Variants in KIF26B observed in about 807,000 individuals in gnomAD.
KIF26B encodes kinesin family member 26B, also known as kinesin-like protein KIF26B.
Under a neutral mutation model 151.2 loss-of-function variants are expected in KIF26B, and 63 were observed. The ratio of observed to expected loss-of-function variants is 0.42; its 90% CI spans 0.34 to 0.51. The LOEUF (loss-of-function observed/expected upper bound fraction) is 0.51. Ranked by LOEUF, KIF26B falls within the 20% of genes least tolerant of loss-of-function variation. KIF26B has a pLI of 0.07. For synonymous variants in KIF26B, 1,357 were observed against 1,262.1 expected (o/e 1.08, Z -1.59); for missense variants, 2,813 against 2,913.6 (o/e 0.97, Z 0.79).
intron 5 of KIF26B, among the ~76,000 whole-genome samples, chr1:245,562,192 G>A (rs1054081115): frequency 6.6e-6 from 1 of 152,098 alleles, no homozygotes; most frequent in Non-Finnish European, 1.5e-5. Flanking sequence ...AGGCAGAGAG[G>A]GACCTGGGGA....
rs916018447 is a variant in KIF26B at position 245,553,739 on chromosome 1, C to T, written c.1350+12789C>T. ...TAAGAACTGAGAGCCAAAGCCAAGG[C>T]GGGGACAGCACCCTGGGAGCTGATG... On this transcript the variant is annotated intron_variant, in intron 5 of 14. Coordinates refer to ENST00000407071, the MANE Select transcript of KIF26B (RefSeq NM_018012.4). Among the ~76,000 whole-genome samples the T allele has an allele frequency of 1.1e-4, 17 of 152,114 alleles. 1 individual carries two copies. Among genetic ancestry groups the T allele is most frequent in the South Asian group, 6.2e-4 (3 of 4,828 alleles).
At chr1:245,565,952 G>A (rs2043005220) in intron 5 of KIF26B, among the ~76,000 whole-genome samples, 1 of 152,204 alleles carries the variant, frequency 6.6e-6, no homozygotes, top group African/African-American at 2.4e-5. Context: ...ATGTCACATG[G>A]CAAGAGTGGG....
At chr1:245,411,618 G>A (rs67319351) in intron 3 of KIF26B, among the ~76,000 whole-genome samples, 17,705 of 152,170 alleles carry the variant, frequency 0.12, 1,153 homozygotes, top group African/African-American at 0.15. Flanking sequence ...GTAGCTGCTT[G>A]TCCTTGACCT....
chr1:245,593,941 CAT>C (rs1399815448), intron 5 of KIF26B, among the ~76,000 whole-genome samples: 3 of 152,248 alleles, frequency 2.0e-5, no homozygotes, highest in South Asian at 2.1e-4. Flanking sequence ...AGCTTTTTTT[CAT>C]ATGTTTGTTG....
intron 5 of KIF26B, among the ~76,000 whole-genome samples, chr1:245,548,284 TA>T (rs56942606): frequency 0.16 from 23,226 of 149,634 alleles, 2,024 homozygotes; most frequent in East Asian, 0.27. Flanking sequence ...TGGTTGAACT[TA>T]AAAAAAAAAA....
intron 10 of KIF26B, among the ~76,000 whole-genome samples, chr1:245,655,150 C>T (rs2044059878): frequency 6.6e-6 from 1 of 152,148 alleles, no homozygotes; most frequent in African/African-American, 2.4e-5. Flanking sequence ...GATTCTAGCA[C>T]CCCTGCCACG....
intron 5 of KIF26B, among the ~76,000 whole-genome samples, chr1:245,574,112 T>C (rs1241120164): frequency 6.6e-6 from 1 of 152,198 alleles, no homozygotes; most frequent in Non-Finnish European, 1.5e-5. Flanking sequence ...GTTTGGCTGG[T>C]GGTTTCAGAT....
At chr1:245,533,823 C>T (rs1378872194) in intron 4 of KIF26B, among the ~76,000 whole-genome samples, 1 of 152,012 alleles carries the variant, frequency 6.6e-6, no homozygotes, top group Non-Finnish European at 1.5e-5. Context: ...CAAGTTCCCC[C>T]TCTAATCTAC....
intron 4 of KIF26B, among the ~76,000 whole-genome samples, chr1:245,445,052 A>G (rs908038209): frequency 6.6e-6 from 1 of 152,244 alleles, no homozygotes; most frequent in Non-Finnish European, 1.5e-5. Flanking sequence ...TGTGTAATGT[A>G]TCGCAGAATC....
chr1:245,293,737 C>A (rs540009331), intron 2 of KIF26B, among the ~76,000 whole-genome samples: 2 of 152,056 alleles, frequency 1.3e-5, no homozygotes, highest in African/African-American at 4.8e-5. Flanking sequence ...TGCCACCATG[C>A]CCGGCTAATT....
chr1:245,285,998 T>TAAAA (rs34582895), intron 2 of KIF26B, among the ~76,000 whole-genome samples: 1 of 110,828 alleles, frequency 9.0e-6, no homozygotes, highest in Admixed American at 1.0e-4. Context: ...ACCCTCTCTC[T>TAAAA]AAAAAAAAAA....
intron 4 of KIF26B, among the ~76,000 whole-genome samples, chr1:245,521,927 T>C (rs190329439): frequency 2.0e-5 from 3 of 150,670 alleles, no homozygotes; most frequent in Non-Finnish European, 4.4e-5. Context: ...TGGAGTGCAG[T>C]GGTGCGATCT....
intron 2 of KIF26B, chr1:245,283,079 C>G (rs1671091967): frequency 5.8e-6 from 1 of 172,370 alleles, no homozygotes; most frequent in Non-Finnish European, 1.3e-5. Flanking sequence ...CTGCTACCAC[C>G]TACTAGCCAT....
chr1:245,657,678 G>C (rs1389089961), intron 10 of KIF26B, among the ~76,000 whole-genome samples: 1 of 152,020 alleles, frequency 6.6e-6, no homozygotes, highest in Non-Finnish European at 1.5e-5. Context: ...ACAGTCACAT[G>C]CTTTGCCGAT....
chr1:245,557,012 C>T (rs1662056427), intron 5 of KIF26B, among the ~76,000 whole-genome samples: 1 of 152,130 alleles, frequency 6.6e-6, no homozygotes, highest in Non-Finnish European at 1.5e-5. Context: ...GAGTGGGGGA[C>T]AAGGAACATC....
chr1:245,269,244 G>A (rs61829573), intron 2 of KIF26B, among the ~76,000 whole-genome samples: 2 of 26,648 alleles, frequency 7.5e-5, no homozygotes, highest in Non-Finnish European at 1.4e-4. Context: ...TCCTCCCACC[G>A]AACGGCCCCT....
intron 2 of KIF26B, among the ~76,000 whole-genome samples, chr1:245,339,453 G>A: frequency 6.6e-6 from 1 of 152,084 alleles, no homozygotes; most frequent in East Asian, 1.9e-4. Flanking sequence ...ATATGTCACT[G>A]GACTCCATTA....
intron 2 of KIF26B, among the ~76,000 whole-genome samples, chr1:245,207,226 C>T (rs1423530208): frequency 1.3e-5 from 2 of 152,222 alleles, no homozygotes; most frequent in African/African-American, 4.8e-5. Context: ...AAAGAGATTT[C>T]TCAGCAAGGC....
intron 5 of KIF26B, among the ~76,000 whole-genome samples, chr1:245,551,172 G>A (rs1052768613): frequency 3.3e-5 from 5 of 152,082 alleles, no homozygotes; most frequent in African/African-American, 1.2e-4. Flanking sequence ...CAGCCTCTCA[G>A]GTAGCTGGGA....
Sources: allele counts gnomAD v4.1 joint callset (sites outside exome capture counted in the v4.1 genomes callset), GRCh38; gene constraint gnomAD v4.1.1; transcripts MANE v1.5; gene names NCBI Gene and HGNC (gene_info 2026-07-23, HGNC 2026-07-21).